The following CBX8 variants were observed in gnomAD, a reference collection of about 807,000 sequenced individuals.
The protein encoded by CBX8 is chromobox 8.
A neutral mutation model predicts 39.7 loss-of-function variants in CBX8; 8 were observed. That is an observed-to-expected ratio of 0.20 (90% CI 0.12 to 0.36). The LOEUF is 0.36. Ranked by LOEUF, CBX8 falls within the 10% of genes least tolerant of loss-of-function variation. The probability of loss-of-function intolerance (pLI) is 1.00; values close to 1 mark genes in which losing one functional copy is unlikely to be tolerated. For missense variants in CBX8, 505 were observed against 529.6 expected, an observed-to-expected ratio of 0.95 and a Z score of 0.46; for synonymous variants, 268 against 219.8, an observed-to-expected ratio of 1.22 and a Z score of -1.94.
chr17:79,796,369 GA>G (rs1908090425), intron 2 of CBX8, 54 bp from the exon 3 acceptor site: 21 of 1,595,646 alleles, frequency 1.3e-5, no homozygotes, highest in Middle Eastern at 3.3e-4. Flanking sequence ...GGTGAGAGCA[GA>G]GGGGGTGTGT....
intron 1 of CBX8, 151 bp from the exon 2 acceptor site, chr17:79,796,691 T>C (rs1487181054): frequency 2.3e-6 from 2 of 854,006 alleles, no homozygotes; most frequent in African/African-American, 1.7e-5. Flanking sequence ...CACCTAATGC[T>C]GCACAAAGTG....
chr17:79,795,498 G>A lies in CBX8; in HGVS notation c.307C>T (p.Arg103Trp), dbSNP rs753814886. Residue 103 changes from arginine to tryptophan, a missense_variant, in exon 5 of 5, where the codon CGG becomes TGG. Coordinates refer to ENST00000269385, the MANE Select transcript of CBX8 (RefSeq NM_020649.3). This position sits in a 1 kb window ranked among gnomAD's most constrained non-coding sequence, Gnocchi z 5.8. The part of the protein sequence containing the change: ...EFRSDSARGI[R>W]IPYPGRSPQD... ...GGCGAGCGGCCAGGGTAGGGGATCC[G>A]GATGCCCCTGGCTGAGTCACTTCGA... is the stretch of plus-strand genomic sequence containing the variant. The A allele has an allele frequency of 6.4e-6, 10 of 1,564,236 alleles. No individual in the cohort carries two copies. Among genetic ancestry groups the A allele is most frequent in the African/African-American group, 1.4e-5 (1 of 73,040 alleles).
In CBX8 at chr17:79,795,496, C is replaced by A; in HGVS notation, c.309G>T (p.Arg103=). The change falls in exon 5 of 5, where the codon CGG becomes CGT. Residue 103 remains arginine (R), a synonymous_variant. Transcript: ENST00000269385. The surrounding 1 kb of genome is among the most constrained non-coding windows in gnomAD (Gnocchi z 5.8). ...GGGGCGAGCGGCCAGGGTAGGGGAT[C>A]CGGATGCCCCTGGCTGAGTCACTTC... ...EFRSDSARGI[R]IPYPGRSPQD... is the part of the protein sequence containing the mutation. 1.3e-6 allele frequency: 2 copies of A among 1,566,574 alleles called. No homozygotes were observed. Among genetic ancestry groups the A allele is most frequent in the Non-Finnish European group, 1.7e-6 (2 of 1,157,650 alleles).
At position 79,794,750 on chromosome 17, in the gene CBX8, C is replaced by G. The variant is rs979967432; in HGVS notation, c.1055G>C (p.Ser352Thr). 6.2e-6 allele frequency: 10 copies of G among 1,612,934 alleles called. No homozygotes were observed. The highest frequency in any genetic ancestry group is 1.7e-5 in the Admixed American group (1 of 59,966). ...CTTCTCCAGGTTAGTCAGGGAGGGGCTCCAGGACTCTTCCTCCGGGTCCCC... is the reference window on the plus strand; with the variant it reads ...CTTCTCCAGGTTAGTCAGGGAGGGGGTCCAGGACTCTTCCTCCGGGTCCCC... ...ILGDPEEESW[S>T]PSLTNLEKVV... The change falls in exon 5 of 5, where the codon AGC (serine) becomes ACC (threonine). Residue 352 changes from serine (S) to threonine (T), a missense_variant. Physicochemically the swap from Ser to Thr is moderately conservative, Grantham distance 58. This residue lies in a region of CBX8 where 456 missense variants were observed against 389.2 expected (regional missense o/e 1.17). Coordinates refer to ENST00000269385, the MANE Select transcript of CBX8 (RefSeq NM_020649.3).
chr17:79,796,224 C>G, intron 3 of CBX8, 26 bp downstream of exon 3: 1 of 1,613,846 alleles, frequency 6.2e-7, no homozygotes, highest in African/African-American at 1.3e-5. Context: ...TCTAAGTGAG[C>G]GGCTGGGACT....
chr17:79,796,223 G>A, intron 3 of CBX8, 27 bp downstream of exon 3: 2 of 1,614,182 alleles, frequency 1.2e-6, no homozygotes, highest in Non-Finnish European at 8.5e-7. Flanking sequence ...TTCTAAGTGA[G>A]CGGCTGGGAC....
chr17:79,796,421 T>C (rs763020082), intron 2 of CBX8, 76 bp downstream of exon 2: 237 of 1,604,066 alleles, frequency 1.5e-4, no homozygotes, highest in Non-Finnish European at 1.9e-4. Flanking sequence ...TGTATTTCAA[T>C]GTAAAGGCAA....
chr17:79,795,224 TCCC>T lies in CBX8; in HGVS notation c.578_580del (p.Gly193del). 6.2e-7 allele frequency: 1 copy of T among 1,613,096 alleles called. No individual in the cohort carries two copies. Among genetic ancestry groups the T allele is most frequent in the Non-Finnish European group, 8.5e-7 (1 of 1,179,720 alleles). On this transcript the variant is annotated inframe_deletion, in exon 5 of 5. Coordinates refer to ENST00000269385, the MANE Select transcript of CBX8 (RefSeq NM_020649.3). This position sits in a 1 kb window ranked among gnomAD's most constrained non-coding sequence, Gnocchi z 5.8. Reference sequence around the variant, plus strand: ...CTTGGGGCCTCGCTTCTTCGAGCTGTCCCCCGGTGAGCTGGGCTTGTCATCCAC... The same window carrying T: ...CTTGGGGCCTCGCTTCTTCGAGCTGTCCGGTGAGCTGGGCTTGTCATCCAC...
In CBX8 at chr17:79,795,279, T is replaced by G. The variant is rs1425685783; in HGVS notation, c.526A>C (p.Arg176=). 1 of 1,604,620 alleles carries G rather than the reference T, an allele frequency of 6.2e-7. No homozygotes were observed. The highest frequency in any genetic ancestry group is 8.5e-7 in the Non-Finnish European group (1 of 1,175,758). The stretch of plus-strand genomic sequence containing the variant: ...CTGCTGGTACCCCGCTCTCGTTCCC[T>G]CTCACGTTCCCGCTCCCTCTCTCGC... The part of the protein sequence containing the change: ...RERERERERE[R]ERERGTSRVD... The change falls in exon 5 of 5, where the codon AGG becomes CGG. Residue 176 remains arginine, a synonymous_variant. Transcript: ENST00000269385. The surrounding 1 kb of genome is among the most constrained non-coding windows in gnomAD (Gnocchi z 5.8).
At position 79,795,193 on chromosome 17, in the gene CBX8, C is replaced by G; in HGVS notation, c.612G>C (p.Arg204=). The change falls in exon 5 of 5, where the codon CGG becomes CGC. Residue 204 remains arginine (R), a synonymous_variant. Coordinates refer to ENST00000269385, the MANE Select transcript of CBX8 (RefSeq NM_020649.3). The surrounding 1 kb of genome is among the most constrained non-coding windows in gnomAD (Gnocchi z 5.8). The stretch of plus-strand genomic sequence containing the variant: ...TCTGTGAGGGGTCCGGGAGCTCCTT[C>G]CGGGGCTTGGGGCCTCGCTTCTTCG... ...DSSKKRGPKP[R]KELPDPSQRP... The G allele has an allele frequency of 1.2e-6, 2 of 1,613,366 alleles. No individual in the cohort carries two copies. Among genetic ancestry groups the G allele is most frequent in the Non-Finnish European group, 1.7e-6 (2 of 1,179,822 alleles).
At position 79,794,886 on chromosome 17, in the gene CBX8, C is replaced by T; in HGVS notation, c.919G>A (p.Val307Ile). The change falls in exon 5 of 5, where the codon GTC becomes ATC. Residue 307 changes from valine to isoleucine, a missense_variant. Coordinates refer to ENST00000269385, the MANE Select transcript of CBX8 (RefSeq NM_020649.3). ...CTGGGGGGGCCTGAGCCATGTCGGA[C>T]CCGGGTGCCATTGGGATCTAGGGCA... ...QGALDPNGTR[V>I]RHGSGPPSSG... 1 of 1,611,388 alleles carries T rather than the reference C, an allele frequency of 6.2e-7. No homozygotes were observed. Among genetic ancestry groups the T allele is most frequent in the South Asian group, 1.1e-5 (1 of 90,858 alleles).
Position 79,796,099 on chromosome 17 carries a change from G to T in CBX8, c.204C>A (p.Gly68=). ...EEREREMELY[G]PKKRGPKPKT... ...TGGGCTTGGGTCCACGCTTTTTGGG[G>T]CCATAGAGCTCCATCTCTCTTTCCC... The change falls in exon 4 of 5, where the codon GGC becomes GGA. Residue 68 remains glycine (G), a synonymous_variant. Coordinates refer to ENST00000269385, the MANE Select transcript of CBX8 (RefSeq NM_020649.3). The T allele has an allele frequency of 6.2e-7, 1 of 1,614,180 alleles. No homozygotes were observed. Among genetic ancestry groups the T allele is most frequent in the Non-Finnish European group, 8.5e-7 (1 of 1,180,032 alleles).
In CBX8 at chr17:79,794,910, C is replaced by T. The variant is rs1025035103; in HGVS notation, c.895G>A (p.Ala299Thr). The T allele has an allele frequency of 2.5e-6, 4 of 1,609,760 alleles. No individual in the cohort carries two copies. The African/African-American group carries it at 5.3e-5, about 22-fold the overall frequency. ...ACCCGGGTGCCATTGGGATCTAGGGCACCCTGGCCTTTGGCCTCCAGGAAG... is the reference window on the plus strand; with the variant it reads ...ACCCGGGTGCCATTGGGATCTAGGGTACCCTGGCCTTTGGCCTCCAGGAAG... ...AAFLEAKGQG[A>T]LDPNGTRVRH... is the part of the protein sequence containing the mutation. The change falls in exon 5 of 5, where the codon GCC becomes ACC. Residue 299 changes from alanine (A) to threonine (T), a missense_variant. Ala to Thr is a moderately conservative substitution (Grantham distance 58). Around this residue, in one of 3 missense-constraint regions of CBX8, gnomAD observed 456 missense variants for 389.2 expected, o/e 1.17. Transcript: ENST00000269385.
chr17:79,795,543 T>C lies in CBX8; in HGVS notation c.262A>G (p.Lys88Glu). The change falls in exon 5 of 5, where the codon AAG (lysine) becomes GAG (glutamate). Residue 88 changes from lysine (K) to glutamate (E), a missense_variant. Lys to Glu is a moderately conservative substitution (Grantham distance 56, BLOSUM62 1). Coordinates refer to ENST00000269385, the MANE Select transcript of CBX8 (RefSeq NM_020649.3). This position sits in a 1 kb window ranked among gnomAD's most constrained non-coding sequence, Gnocchi z 5.8. The stretch of plus-strand genomic sequence containing the variant: ...CTTCGAAACTCGTAAGTTTTGGCCT[T>C]TGCCTTGGCCTGCGCCTGCAGGAGA... ...TFLLKAQAKA[K>E]AKTYEFRSDS... is the part of the protein sequence containing the mutation. 1 of 1,526,758 alleles carries C rather than the reference T, an allele frequency of 6.5e-7. No individual in the cohort carries two copies. Among genetic ancestry groups the C allele is most frequent in the Non-Finnish European group, 8.8e-7 (1 of 1,138,910 alleles). The allele number at this position is 1,526,758 out of a possible 1,614,324, so 94.6% of individuals were successfully genotyped here.
In CBX8 at chr17:79,794,088, C is replaced by G. The variant is rs1907975451; in HGVS notation, c.*547G>C. On this transcript the variant is annotated 3_prime_UTR_variant, in exon 5 of 5. Coordinates refer to ENST00000269385, the MANE Select transcript of CBX8 (RefSeq NM_020649.3). ...AAAAAGGAAAACAGACTGACCCCAC[C>G]CCCCCTTTTTTCTGATTGGGGAGCC... The G allele has an allele frequency of 6.6e-6, 1 of 152,068 alleles. No individual in the cohort carries two copies. The highest frequency in any genetic ancestry group is 6.5e-5 in the Admixed American group (1 of 15,276). 9.4% of individuals were successfully genotyped at this position (152,068 alleles called of 1,614,324 possible).
chr17:79,796,440 AG>A (rs1908095314), intron 2 of CBX8, 56 bp downstream of exon 2: 1 of 1,610,742 alleles, frequency 6.2e-7, no homozygotes, highest in Non-Finnish European at 8.5e-7. Context: ...AAAAAGAGGA[AG>A]AAAGAAACCT....
chr17:79,795,472 G>C lies in CBX8; in HGVS notation c.333C>G (p.Pro111=). ...CCCGGGAAGTGGAGGCCAGGTCCTG[G>C]GGCGAGCGGCCAGGGTAGGGGATCC... ...GIRIPYPGRS[P]QDLASTSRAR... Residue 111 remains proline, a synonymous_variant, in exon 5 of 5, where the codon CCC becomes CCG. Coordinates refer to ENST00000269385, the MANE Select transcript of CBX8 (RefSeq NM_020649.3). This position sits in a 1 kb window ranked among gnomAD's most constrained non-coding sequence, Gnocchi z 5.8. The C allele has an allele frequency of 3.8e-6, 6 of 1,598,070 alleles. No individual in the cohort carries two copies. Among genetic ancestry groups the C allele is most frequent in the Non-Finnish European group, 5.1e-6 (6 of 1,172,262 alleles).
In CBX8 at chr17:79,795,960, C is replaced by T. The variant is rs1327422120; in HGVS notation, c.246+97G>A. 9.4e-6 allele frequency: 10 copies of T among 1,066,934 alleles called. No individual in the cohort carries two copies. Among genetic ancestry groups the T allele is most frequent in the Non-Finnish European group, 1.4e-5 (10 of 701,082 alleles). The allele number at this position is 1,066,934 out of a possible 1,614,324, so 66.1% of individuals were successfully genotyped here. A position where few individuals can be genotyped will look rare whatever the true frequency, so the allele number is the denominator to read the frequency against. On this transcript the variant is annotated intron_variant, in intron 4 of 4. Coordinates refer to ENST00000269385, the MANE Select transcript of CBX8 (RefSeq NM_020649.3). The surrounding 1 kb of genome is among the most constrained non-coding windows in gnomAD (Gnocchi z 5.8). ...TCCCTCCTACATTACAAATAGGCAA[C>T]ATGTGTGGACACCCCATTGGCTCAC...
At position 79,795,176 on chromosome 17, in the gene CBX8, G is replaced by A. The variant is rs1339876348; in HGVS notation, c.629C>T (p.Pro210Leu). The change falls in exon 5 of 5, where the codon CCC (proline) becomes CTC (leucine). Residue 210 changes from proline to leucine, a missense_variant. Physicochemically the swap from Pro to Leu is moderately conservative, Grantham distance 98. This residue lies in a region of CBX8 where 456 missense variants were observed against 389.2 expected (regional missense o/e 1.17). Coordinates refer to ENST00000269385, the MANE Select transcript of CBX8 (RefSeq NM_020649.3). The surrounding 1 kb of genome is among the most constrained non-coding windows in gnomAD (Gnocchi z 5.8). Reference sequence around the variant, plus strand: ...GGGTTCGCCTAAGGGCCTCTGTGAGGGGTCCGGGAGCTCCTTCCGGGGCTT... The same window carrying A: ...GGGTTCGCCTAAGGGCCTCTGTGAGAGGTCCGGGAGCTCCTTCCGGGGCTT... ...GPKPRKELPD[P>L]SQRPLGEPSA... 3 of 1,613,614 alleles carry A rather than the reference G, an allele frequency of 1.9e-6. No individual in the cohort carries two copies. The highest frequency in any genetic ancestry group is 2.2e-5 in the East Asian group (1 of 44,860).
Sources: gnomAD v4.1 joint callset for allele counts on GRCh38, gnomAD v4.1.1 for gene constraint, gnomAD v4.1.1 regional missense constraint, Gnocchi (gnomAD v3.1) non-coding constraint, MANE v1.5 for transcripts, NCBI Gene and HGNC (gene_info 2026-07-23, HGNC 2026-07-21) for gene names.